The following CLCN6 variants were observed in gnomAD, a reference collection of about 807,000 sequenced individuals.
The protein encoded by CLCN6 is Cl-/H+ antiporter 6.
CLCN6 carries 70 observed loss-of-function variants against 109.8 expected under a neutral mutation model. That is an observed-to-expected ratio of 0.64 (90% CI 0.53 to 0.78). CLCN6 has a LOEUF of 0.78. Ranked by LOEUF, CLCN6 falls within the 30% of genes least tolerant of loss-of-function variation. The pLI, the probability that CLCN6 is intolerant of heterozygous loss-of-function variation, is 0.00. For synonymous variants in CLCN6, 444 were observed against 447.8 expected, an observed-to-expected ratio of 0.99 and a Z score of 0.11; for missense variants, 984 against 1,142.3, an observed-to-expected ratio of 0.86 and a Z score of 2.00.
chr1:11,835,162 G>A (rs1295444784), intron 17 of CLCN6, among the ~76,000 whole-genome samples: 3 of 152,200 alleles, frequency 2.0e-5, no homozygotes, highest in African/African-American at 4.8e-5. Flanking sequence ...ACGACTACTC[G>A]ACTCTGTCAT....
rs149921467 is a variant in CLCN6, at chr1:11,815,550, C to T, written c.148-296C>T. On this transcript the variant is annotated intron_variant, in intron 2 of 22. Coordinates refer to ENST00000346436, the MANE Select transcript of CLCN6 (RefSeq NM_001286.5). ...AGCTGGGACTACAGGTGCGCGCCAC[C>T]ATGCCTGGCTAATTTTGTATTTTTA... Among the ~76,000 whole-genome samples, 144 of 152,276 alleles carry T rather than the reference C, an allele frequency of 9.5e-4. 2 individuals are homozygous for T. Among genetic ancestry groups the T allele is most frequent in the African/African-American group, 3.1e-3 (127 of 41,566 alleles).
At chr1:11,839,006 C>G in intron 22 of CLCN6, 1 of 660,978 alleles carries the variant, frequency 1.5e-6, no homozygotes, top group Non-Finnish European at 2.8e-6. Flanking sequence ...GAATTTCAAG[C>G]AAAATACTTT....
chr1:11,818,424 A>G (rs772949271), intron 4 of CLCN6, among the ~76,000 whole-genome samples: 15 of 141,384 alleles, frequency 1.1e-4, no homozygotes, highest in Non-Finnish European at 2.1e-4. Flanking sequence ...TAGATATTCG[A>G]AAAAAAAATC....
intron 13 of CLCN6, among the ~76,000 whole-genome samples, chr1:11,830,730 GTATATAT>G (rs1171470808): frequency 9.8e-6 from 1 of 102,406 alleles, no homozygotes; most frequent in African/African-American, 4.1e-5. Flanking sequence ...CCAGTTATAT[GTATATAT>G]TATATATATA....
chr1:11,839,967 C>T (rs1447401422), intron 22 of CLCN6, among the ~76,000 whole-genome samples, 176 bp from the exon 23 acceptor site: 1 of 152,240 alleles, frequency 6.6e-6, no homozygotes, highest in African/African-American at 2.4e-5. Flanking sequence ...ACCTTGTCCC[C>T]TTGGCCTCCA....
chr1:11,830,133 G>A (rs1570534496), intron 13 of CLCN6: 1 of 152,256 alleles, frequency 6.6e-6, no homozygotes, highest in South Asian at 2.1e-4. Flanking sequence ...GGCTTTCCCT[G>A]AGGAGTGGTC....
At chr1:11,811,217 A>G (rs1644594890) in intron 2 of CLCN6, among the ~76,000 whole-genome samples, 1 of 152,100 alleles carries the variant, frequency 6.6e-6, no homozygotes, top group African/African-American at 2.4e-5. Flanking sequence ...ACAAAAAAAA[A>G]AGGGATTCTG....
At chr1:11,826,450 G>T (rs986393149) in intron 9 of CLCN6, among the ~76,000 whole-genome samples, 2 of 152,194 alleles carry the variant, frequency 1.3e-5, no homozygotes, top group Admixed American at 6.5e-5. Flanking sequence ...AAATGAAGAT[G>T]GTCCCAGATT....
intron 4 of CLCN6, among the ~76,000 whole-genome samples, chr1:11,818,821 AG>A (rs1644706447): frequency 6.6e-6 from 1 of 152,226 alleles, no homozygotes; most frequent in Non-Finnish European, 1.5e-5. Flanking sequence ...CTGTAATCCC[AG>A]CTACCTGGGA....
At chr1:11,835,154 G>T (rs999352296) in intron 17 of CLCN6, among the ~76,000 whole-genome samples, 4 of 152,214 alleles carry the variant, frequency 2.6e-5, no homozygotes, top group Non-Finnish European at 2.9e-5. Context: ...TCTCTGTCAC[G>T]ACTACTCGAC....
chr1:11,824,401 C>A, intron 7 of CLCN6, 85 bp from the exon 8 acceptor site: 1 of 1,030,840 alleles, frequency 9.7e-7, no homozygotes, highest in East Asian at 2.5e-5. Flanking sequence ...TCAGTTGTCA[C>A]GAGGAAGGTT....
chr1:11,813,735 G>A (rs1237366437), intron 2 of CLCN6, among the ~76,000 whole-genome samples: 1 of 152,130 alleles, frequency 6.6e-6, no homozygotes, highest in East Asian at 1.9e-4. Flanking sequence ...TGTGCTATGA[G>A]AATTTCAGAC....
intron 12 of CLCN6, 43 bp downstream of exon 12, chr1:11,828,667 C>T (rs1644843448): frequency 2.6e-6 from 4 of 1,558,330 alleles, no homozygotes; most frequent in Non-Finnish European, 3.5e-6. Context: ...CTGCGGCTCC[C>T]TGAGCTTGGT....
At chr1:11,818,448 A>G (rs1371518118) in intron 4 of CLCN6, among the ~76,000 whole-genome samples, 1 of 152,226 alleles carries the variant, frequency 6.6e-6, no homozygotes, top group Non-Finnish European at 1.5e-5. Context: ...AATCCAAAAC[A>G]CTTCTGGTCC....
At chr1:11,815,979 A>T in intron 3 of CLCN6, 68 bp downstream of exon 3, 1 of 1,190,510 alleles carries the variant, frequency 8.4e-7, no homozygotes, top group Non-Finnish European at 1.3e-6. Flanking sequence ...TTTCTCTTCT[A>T]AAGGCCCCAG....
At chr1:11,824,183 C>T (rs996912916) in intron 7 of CLCN6, among the ~76,000 whole-genome samples, 1 of 152,232 alleles carries the variant, frequency 6.6e-6, no homozygotes, top group East Asian at 1.9e-4. Context: ...TAACTATTTA[C>T]ATGTGTGCAT....
At chr1:11,826,374 C>G in intron 9 of CLCN6, 160 bp downstream of exon 9, 1 of 640,934 alleles carries the variant, frequency 1.6e-6, no homozygotes, top group Non-Finnish European at 2.8e-6. Flanking sequence ...AATAAGAAGC[C>G]AAAGCACCAG....
intron 22 of CLCN6, 54 bp downstream of exon 22, chr1:11,838,714 G>A (rs767438514): frequency 3.6e-5 from 58 of 1,613,244 alleles, no homozygotes; most frequent in African/African-American, 1.6e-4. Flanking sequence ...CCCTAGCCAG[G>A]TGCTGTTTGT....
At chr1:11,814,142 G>A (rs1292867286) in intron 2 of CLCN6, among the ~76,000 whole-genome samples, 2 of 152,092 alleles carry the variant, frequency 1.3e-5, no homozygotes, top group East Asian at 3.8e-4. Flanking sequence ...GTCTGGGAGT[G>A]TGGCTGCCAC....
Sources: gnomAD v4.1 joint callset for allele counts (sites outside exome capture counted in the v4.1 genomes callset) on GRCh38, gnomAD v4.1.1 for gene constraint, MANE v1.5 for transcripts, NCBI Gene and HGNC (gene_info 2026-07-23, HGNC 2026-07-21) for gene names.